The following FGF13 variants were observed in gnomAD, a reference collection of about 807,000 sequenced individuals.
The protein encoded by FGF13 is fibroblast growth factor homologous factor 2.
In FGF13, 2 loss-of-function variants were observed where a neutral mutation model predicts 19.5. That is an observed-to-expected ratio of 0.10 (90% CI 0.04 to 0.32). FGF13 has a LOEUF of 0.32. Ranked by LOEUF, FGF13 falls within the 10% of genes least tolerant of loss-of-function variation. The pLI, the probability that FGF13 is intolerant of heterozygous loss-of-function variation, is 1.00. For synonymous variants in FGF13, 72 were observed against 76.9 expected, an observed-to-expected ratio of 0.94 and a Z score of 0.33; for missense variants, 113 against 192.7, an observed-to-expected ratio of 0.59 and a Z score of 2.45.
chrX:139,101,635 A>G (rs751807039), intron 1 of FGF13, among the ~76,000 whole-genome samples: 1 of 112,644 alleles, frequency 8.9e-6, no homozygotes, highest in Non-Finnish European at 1.9e-5. Context: ...CTGCAATTAA[A>G]CGAATAAATA....
intron 3 of FGF13, among the ~76,000 whole-genome samples, chrX:138,646,825 CACAT>C (rs1430902226): frequency 9.0e-6 from 1 of 111,509 alleles, no homozygotes; most frequent in African/African-American, 3.3e-5. Flanking sequence ...TGTGTGCACT[CACAT>C]GCATACATAC....
Position 138,815,651 on chromosome X carries a change from C to T in FGF13, c.217+41861G>A, listed in dbSNP as rs146021076. 8.7e-4 allele frequency among the ~76,000 whole-genome samples: 96 copies of T among 109,964 alleles called. 1 individual carries two copies. In the East Asian group the frequency reaches 0.02, roughly 23 times the overall value. On this transcript the variant is annotated intron_variant, in intron 3 of 6. Transcript: ENST00000436198. Reference sequence around the variant, plus strand: ...AAGATGGAGTTTTCAAATGATACTGCAACAATGGACACCATTTAGGAAAAG... The same window carrying T: ...AAGATGGAGTTTTCAAATGATACTGTAACAATGGACACCATTTAGGAAAAG...
intron 1 of FGF13, among the ~76,000 whole-genome samples, chrX:139,042,636 T>C (rs986513525): frequency 8.9e-6 from 1 of 111,956 alleles, no homozygotes; most frequent in African/African-American, 3.3e-5. Context: ...AATTTAAATA[T>C]TATTTTAAAG....
chrX:138,767,627 T>G (rs1489819820), intron 3 of FGF13, among the ~76,000 whole-genome samples: 1 of 112,081 alleles, frequency 8.9e-6, no homozygotes, highest in East Asian at 2.8e-4. Flanking sequence ...CTGGAGGCCA[T>G]AGTCAAACTA....
intron 3 of FGF13, among the ~76,000 whole-genome samples, chrX:138,702,250 T>G (rs1019097104): frequency 8.9e-6 from 1 of 112,075 alleles, no homozygotes; most frequent in Admixed American, 9.5e-5. Context: ...TAGTCTCTTA[T>G]AATCTGAAAC....
At chrX:139,013,479 TTATATATATATATATATATATATA>T (rs202184653) in intron 1 of FGF13, among the ~76,000 whole-genome samples, 42,266 of 71,001 alleles carry the variant, frequency 0.6, 10,310 homozygotes, top group Middle Eastern at 0.72. Flanking sequence ...AAAGAAAATT[TTATATATATATATATATATATATA>T]TATATATATA....
At chrX:138,677,199 C>T (rs1010446943) in intron 3 of FGF13, among the ~76,000 whole-genome samples, 63 of 111,606 alleles carry the variant, frequency 5.6e-4, no homozygotes, top group Admixed American at 1.5e-3. Flanking sequence ...AAGAAATAAA[C>T]GTTAGACCTA....
chrX:139,131,497 A>G (rs1170555759), intron 1 of FGF13, among the ~76,000 whole-genome samples: 1 of 104,281 alleles, frequency 9.6e-6, no homozygotes, highest in Admixed American at 1.0e-4. Context: ...ACACTTCGGG[A>G]GGCCGAGATT....
intron 3 of FGF13, among the ~76,000 whole-genome samples, chrX:138,760,595 G>A (rs1417582624): frequency 8.9e-6 from 1 of 111,922 alleles, no homozygotes; most frequent in African/African-American, 3.2e-5. Context: ...TTAGAAGACT[G>A]AGGGCTAGCA....
At chrX:138,649,424 A>G (rs749943722) in intron 3 of FGF13, among the ~76,000 whole-genome samples, 4 of 111,934 alleles carry the variant, frequency 3.6e-5, no homozygotes, top group African/African-American at 9.7e-5. Flanking sequence ...TTCCAACTAA[A>G]ATAAACACAG....
At chrX:138,652,964 T>C (rs924281240) in intron 3 of FGF13, among the ~76,000 whole-genome samples, 1 of 112,183 alleles carries the variant, frequency 8.9e-6, no homozygotes, top group Non-Finnish European at 1.9e-5. Flanking sequence ...AAATGAAGAA[T>C]ACATCTTTCC....
At chrX:138,655,361 G>C (rs2089425225) in intron 3 of FGF13, among the ~76,000 whole-genome samples, 1 of 112,132 alleles carries the variant, frequency 8.9e-6, no homozygotes, top group African/African-American at 3.2e-5. Context: ...GTGGATTATT[G>C]TTGAGTGAAT....
chrX:139,063,674 T>G (rs1465682369), intron 1 of FGF13, among the ~76,000 whole-genome samples: 1 of 112,044 alleles, frequency 8.9e-6, no homozygotes, highest in Non-Finnish European at 1.9e-5. Flanking sequence ...TTTATAGTTG[T>G]GGATTTCACA....
intron 1 of FGF13, among the ~76,000 whole-genome samples, chrX:139,018,815 A>G (rs2092165034): frequency 9.0e-6 from 1 of 110,607 alleles, no homozygotes; most frequent in African/African-American, 3.3e-5. Context: ...CTTAATTGAA[A>G]TATAGTTCAT....
chrX:138,688,117 G>A (rs1203970349), intron 3 of FGF13, among the ~76,000 whole-genome samples: 3 of 108,801 alleles, frequency 2.8e-5, no homozygotes, highest in Non-Finnish European at 5.7e-5. Context: ...CACCATGCCC[G>A]GCTAATTTTT....
chrX:138,975,531 TAA>T (rs780493273), intron 1 of FGF13, among the ~76,000 whole-genome samples: 1 of 98,409 alleles, frequency 1.0e-5, no homozygotes. Context: ...TAAAGTATAA[TAA>T]AAAAAAAAAA....
chrX:139,124,609 G>A (rs1339478955), intron 1 of FGF13, among the ~76,000 whole-genome samples: 1 of 111,304 alleles, frequency 9.0e-6, no homozygotes, highest in African/African-American at 3.3e-5. Flanking sequence ...ACAATTCTGG[G>A]GTCTGATCAA....
downstream of FGF13, among the ~76,000 whole-genome samples, chrX:138,856,694 A>C (rs1478568436): frequency 4.5e-5 from 5 of 112,158 alleles, no homozygotes; most frequent in Non-Finnish European, 7.5e-5. Context: ...TTACATTATA[A>C]TTCTCAGAAG....
intron 3 of FGF13, among the ~76,000 whole-genome samples, chrX:138,834,564 T>C: frequency 9.2e-6 from 1 of 108,949 alleles, no homozygotes; most frequent in South Asian, 3.9e-4. Flanking sequence ...TAACTAGCAG[T>C]CTATTTTATT....
Sources: allele counts gnomAD v4.1 joint callset (sites outside exome capture counted in the v4.1 genomes callset), GRCh38; gene constraint gnomAD v4.1.1; transcripts MANE v1.5; gene names NCBI Gene and HGNC (gene_info 2026-07-23, HGNC 2026-07-21).